The following MUC5AC variants were observed in gnomAD, a reference collection of about 807,000 sequenced individuals.
The protein encoded by MUC5AC is mucin 5AC, oligomeric mucus/gel-forming.
MUC5AC carries 158 observed loss-of-function variants against 169.7 expected under a neutral mutation model. The ratio of observed to expected loss-of-function variants is 0.93; its 90% CI spans 0.82 to 1.06. The LOEUF is 1.06. Among genes scored for constraint, MUC5AC ranks in the 50% least tolerant of loss-of-function variants. The pLI is 0.00. For synonymous variants in MUC5AC, 1,975 were observed against 1,237.0 expected (o/e 1.60, Z -12.52); for missense variants, 4,359 against 3,089.9 (o/e 1.41, Z -9.74).
Position 1,165,736 on chromosome 11 carries a change from C to T in MUC5AC, c.1362C>T (p.Gly454=), listed in dbSNP as rs55890331. 1,015 of 1,612,306 alleles carry T rather than the reference C, an allele frequency of 6.3e-4. 11 individuals are homozygous for T. In the African/African-American group the frequency reaches 0.011, roughly 18 times the overall value. Residue 454 remains glycine, a synonymous_variant, in exon 11 of 49, where the codon GGC becomes GGT. Transcript: ENST00000621226. ...ACGGGAAGCAATACACGGTGCACGG[C>T]GACTGCAGCTATGTGCTGACCAAGG... The part of the protein sequence containing the change: ...TFDGKQYTVH[G]DCSYVLTKPC...
intron 30 of MUC5AC, 146 bp downstream of exon 30, chr11:1,181,605 C>T (rs1471169311): frequency 1.5e-5 from 6 of 397,404 alleles, no homozygotes; most frequent in Non-Finnish European, 1.8e-5. Flanking sequence ...AGCAGGGAGT[C>T]GGGCTCGGGG....
rs955143348 is a variant in MUC5AC at position 1,164,243 on chromosome 11, C to T, written c.927C>T (p.His309=). 9.9e-6 allele frequency: 16 copies of T among 1,612,692 alleles called. No individual in the cohort carries two copies. Among genetic ancestry groups the T allele is most frequent in the East Asian group, 2.2e-5 (1 of 44,886 alleles). Residue 309 remains histidine, a synonymous_variant, in exon 8 of 49, where the codon CAC becomes CAT. Coordinates refer to ENST00000621226, the MANE Select transcript of MUC5AC (RefSeq NM_001304359.2). Reference sequence around the variant, plus strand: ...CCGACCTGCTCAGCTGCGTCTGCCACACCCTTGCCGAGTACTCCCGGCAGT... The same window carrying T: ...CCGACCTGCTCAGCTGCGTCTGCCATACCCTTGCCGAGTACTCCCGGCAGT... ...EDTDLLSCVC[H]TLAEYSRQCT...
rs1257551161 is a variant in MUC5AC, at chr11:1,198,165, G to A, written c.16136-103G>A. 1.4e-5 allele frequency: 10 copies of A among 699,162 alleles called. No individual in the cohort carries two copies. In the East Asian group the frequency reaches 1.6e-4, roughly 11 times the overall value. 43.3% of individuals were successfully genotyped at this position (699,162 alleles called of 1,614,324 possible). A position where few individuals can be genotyped will look rare whatever the true frequency, so the allele number is the denominator to read the frequency against. ...ATGAGGCTGGACAAACCCCAGTGGC[G>A]AGCCCGGGAATGAGGCGCCCAGGAG... On this transcript the variant is annotated intron_variant, in intron 42 of 48. Coordinates refer to ENST00000621226, the MANE Select transcript of MUC5AC (RefSeq NM_001304359.2).
chr11:1,169,332 C>A (rs1224004917), intron 15 of MUC5AC, among the ~76,000 whole-genome samples: 2 of 152,060 alleles, frequency 1.3e-5, no homozygotes, highest in African/African-American at 2.4e-5. Flanking sequence ...GATTCACCCA[C>A]TCACCCACCC....
In MUC5AC at chr11:1,187,828, G is replaced by A. The variant is rs1220892108; in HGVS notation, c.9683G>A (p.Trp3228Ter). 4 of 764,856 alleles carry A rather than the reference G, an allele frequency of 5.2e-6. No homozygotes were observed. Among genetic ancestry groups the A allele is most frequent in the Non-Finnish European group, 9.6e-6 (4 of 417,748 alleles). The allele number at this position is 764,856 out of a possible 1,614,324, so 47.4% of individuals were successfully genotyped here. The change falls in exon 31 of 49, where the codon TGG becomes TAG. Residue 3228 changes from tryptophan to a stop codon, truncating the protein, a stop_gained. Coordinates refer to ENST00000621226, the MANE Select transcript of MUC5AC (RefSeq NM_001304359.2). LOFTEE classifies it high-confidence loss of function. ...AGAGACTGTCATCTCCGGTGCACCTGGACCAAGTGGTTTGACATAGACTTC... is the reference window on the plus strand; with the variant it reads ...AGAGACTGTCATCTCCGGTGCACCTAGACCAAGTGGTTTGACATAGACTTC... ...VTRDCHLRCT[W>*]TKWFDIDFPS...
At chr11:1,169,853 C>T (rs1590138266) in intron 15 of MUC5AC, among the ~76,000 whole-genome samples, 23 of 135,798 alleles carry the variant, frequency 1.7e-4, no homozygotes, top group South Asian at 2.6e-4. Context: ...CACTCACCGA[C>T]TCACCCATTC....
chr11:1,174,735 A>C, intron 17 of MUC5AC, 113 bp downstream of exon 17: 1 of 506,660 alleles, frequency 2.0e-6, no homozygotes, highest in South Asian at 2.9e-5. Flanking sequence ...GCTGGGCTTG[A>C]GGGCAAGGAG....
chr11:1,180,631 AG>A (rs1860795709), intron 28 of MUC5AC, 115 bp downstream of exon 28: 1 of 397,692 alleles, frequency 2.5e-6, no homozygotes, highest in Non-Finnish European at 4.4e-6. Flanking sequence ...CCGTTACTGG[AG>A]TTGAAGCTTG....
At position 1,194,241 on chromosome 11, in the gene MUC5AC, G is replaced by C. The variant is rs752849348; in HGVS notation, c.14887G>C (p.Asp4963His). The C allele has an allele frequency of 1.3e-6, 1 of 764,810 alleles. No individual in the cohort carries two copies. Among genetic ancestry groups the C allele is most frequent in the South Asian group, 1.3e-5 (1 of 74,568 alleles). The allele number at this position is 764,810 out of a possible 1,614,324, so 47.4% of individuals were successfully genotyped here. A position where few individuals can be genotyped will look rare whatever the true frequency, so the allele number is the denominator to read the frequency against. The change falls in exon 34 of 49, where the codon GAC becomes CAC. Residue 4963 changes from aspartate (D) to histidine (H), a missense_variant. By Grantham distance (81) the Asp-to-His change is moderately conservative. Coordinates refer to ENST00000621226, the MANE Select transcript of MUC5AC (RefSeq NM_001304359.2). ...PVYGHFRVLVDNYFCGAEDGL... is the reference protein window; with the variant it reads ...PVYGHFRVLVHNYFCGAEDGL... ...GTATGGCCACTTCCGCGTGCTCGTC[G>C]ACAACTACTTCTGCGGTGCGGAGGA...
At chr11:1,179,339 C>T (rs944849976) in intron 26 of MUC5AC, 91 bp downstream of exon 26, 17 of 452,378 alleles carry the variant, frequency 3.8e-5, no homozygotes, top group Middle Eastern at 5.7e-4. Flanking sequence ...GTGTGTGGGG[C>T]GGGTGGGGAA....
Position 1,161,643 on chromosome 11 carries a change from G to A in MUC5AC, c.211+57G>A, listed in dbSNP as rs55839670. On this transcript the variant is annotated intron_variant, in intron 3 of 48. Coordinates refer to ENST00000621226, the MANE Select transcript of MUC5AC (RefSeq NM_001304359.2). ...GGGTCATAGCTTTGCTGAGCTCCCC[G>A]CTCAGGCCTGGAGGTGCCGGGTGGA... 5.8e-4 allele frequency: 902 copies of A among 1,556,262 alleles called. 1 individual carries two copies. The African/African-American group carries it at 0.01, about 17-fold the overall frequency.
chr11:1,185,551 C>G lies in MUC5AC; in HGVS notation c.7406C>G (p.Thr2469Ser). Residue 2469 changes from threonine (T) to serine (S), a missense_variant, in exon 31 of 49, where the codon ACT (threonine) becomes AGT (serine). Coordinates refer to ENST00000621226, the MANE Select transcript of MUC5AC (RefSeq NM_001304359.2). ...ACCTCTGCCCCTACAACAAGAACAA[C>G]TTCTGCTCCTAAAAGCAGCACAACC... ...STTSAPTTRT[T>S]SAPKSSTTSA... 1 of 720,758 alleles carries G rather than the reference C, an allele frequency of 1.4e-6. No homozygotes were observed. Among genetic ancestry groups the G allele is most frequent in the Non-Finnish European group, 2.5e-6 (1 of 395,250 alleles). The allele number at this position is 720,758 out of a possible 1,614,324, so 44.6% of individuals were successfully genotyped here.
chr11:1,164,033 G>A, intron 7 of MUC5AC, 42 bp downstream of exon 7: 1 of 1,609,006 alleles, frequency 6.2e-7, no homozygotes, highest in Non-Finnish European at 8.5e-7. Flanking sequence ...GGTTGAGCAG[G>A]AGGGGTTGTG....
At chr11:1,180,263 G>C (rs888258480) in intron 27 of MUC5AC, 91 bp from the exon 28 acceptor site, 2 of 398,514 alleles carry the variant, frequency 5.0e-6, no homozygotes, top group Non-Finnish European at 8.8e-6. Flanking sequence ...TGCTGTCGGC[G>C]AGGCCCGCTG....
rs760301277 is a variant in MUC5AC, at chr11:1,197,521, G to A, written c.15915G>A (p.Thr5305=). 15 of 716,508 alleles carry A rather than the reference G, an allele frequency of 2.1e-5. No individual in the cohort carries two copies. The highest frequency in any genetic ancestry group is 3.5e-4 in the Middle Eastern group (1 of 2,884). The allele number at this position is 716,508 out of a possible 1,614,324, so 44.4% of individuals were successfully genotyped here. Residue 5305 remains threonine (T), a synonymous_variant, in exon 41 of 49, where the codon ACG becomes ACA. Transcript: ENST00000621226. ...DCQECTCEAA[T]WTLTCRPKLC... The stretch of plus-strand genomic sequence containing the variant: ...AGGAGTGCACGTGTGAGGCGGCCAC[G>A]TGGACGCTGACCTGCCGACCCAAGC...
rs1860843935 is a variant in MUC5AC at position 1,182,719 on chromosome 11, C to T, written c.4574C>T (p.Pro1525Leu). 5.0e-6 allele frequency: 2 copies of T among 398,482 alleles called. No homozygotes were observed. 24.7% of individuals were successfully genotyped at this position (398,482 alleles called of 1,614,324 possible). ...TCTCTCTCTACAGCCAGGACGACAC[C>T]TGCCCCAGGTACCGCTACCTCTGTC... ...TVSLSTARTT[P>L]APGTATSVKK... The change falls in exon 31 of 49, where the codon CCT (proline) becomes CTT (leucine). Residue 1525 changes from proline (P) to leucine (L), a missense_variant. Pro to Leu is a moderately conservative substitution (Grantham distance 98, BLOSUM62 -3). Coordinates refer to ENST00000621226, the MANE Select transcript of MUC5AC (RefSeq NM_001304359.2).
rs1380346944 is a variant in MUC5AC, at chr11:1,188,999, C to T, written c.10854C>T (p.Cys3618=). The T allele has an allele frequency of 7.1e-5, 48 of 677,752 alleles. No homozygotes were observed. Among genetic ancestry groups the T allele is most frequent in the East Asian group, 3.4e-4 (14 of 40,600 alleles). The allele number at this position is 677,752 out of a possible 1,614,324, so 42.0% of individuals were successfully genotyped here. Residue 3618 remains cysteine (C), a synonymous_variant, in exon 31 of 49, where the codon TGC becomes TGT. Transcript: ENST00000621226. ...ACTACGAGGTGCGTGTGCTTTGCTG[C>T]GAGACCCCCAAAGGCTGCCCCGTGA... ...CLNYEVRVLC[C]ETPKGCPVTS...
At position 1,168,725 on chromosome 11, in the gene MUC5AC, C is replaced by G; in HGVS notation, c.1651C>G (p.Pro551Ala). The change falls in exon 14 of 49, where the codon CCC becomes GCC. Residue 551 changes from proline (P) to alanine (A), a missense_variant. By Grantham distance (27) the Pro-to-Ala change is conservative. Transcript: ENST00000621226. Reference sequence around the variant, plus strand: ...CCTGCAGCTGAACCTGCAGCTGGTGCCCACCATGCAGCTGTTCATGCAGCT... The same window carrying G: ...CCTGCAGCTGAACCTGCAGCTGGTGGCCACCATGCAGCTGTTCATGCAGCT... The part of the protein sequence containing the change: ...LGLQLNLQLV[P>A]TMQLFMQLAP... The G allele has an allele frequency of 6.2e-7, 1 of 1,610,328 alleles. No individual in the cohort carries two copies. Among genetic ancestry groups the G allele is most frequent in the Non-Finnish European group, 8.5e-7 (1 of 1,177,940 alleles).
chr11:1,159,272 G>A (rs1391856480), intron 1 of MUC5AC, among the ~76,000 whole-genome samples: 1 of 152,202 alleles, frequency 6.6e-6, no homozygotes, highest in Non-Finnish European at 1.5e-5. Flanking sequence ...TGGGGCTGGG[G>A]TGCAGGCGAA....
Sources: allele counts gnomAD v4.1 joint callset (sites outside exome capture counted in the v4.1 genomes callset), GRCh38; gene constraint gnomAD v4.1.1; transcripts MANE v1.5; gene names NCBI Gene and HGNC (gene_info 2026-07-23, HGNC 2026-07-21).